The following HABP4 variants were observed in gnomAD, a reference collection of about 807,000 sequenced individuals.
HABP4 encodes hyaluronan binding protein 4.
A neutral mutation model predicts 44.1 loss-of-function variants in HABP4; 32 were observed. That is an observed-to-expected ratio of 0.73 (90% confidence interval 0.55 to 0.97). The LOEUF is 0.97. HABP4 is among the 50% of genes least tolerant of loss of function. The pLI is 0.00. For missense variants in HABP4, 503 were observed against 561.9 expected, an observed-to-expected ratio of 0.90 and a Z score of 1.06; for synonymous variants, 216 against 218.0, an observed-to-expected ratio of 0.99 and a Z score of 0.08.
chr9:96,455,402 A>G (rs1034349638), intron 1 of HABP4, among the ~76,000 whole-genome samples: 1 of 143,740 alleles, frequency 7.0e-6, no homozygotes, highest in Non-Finnish European at 1.5e-5. Context: ...CAGTGAGCTG[A>G]GATTGTGCCA....
intron 4 of HABP4, 80 bp from the exon 5 acceptor site, chr9:96,470,931 A>G (rs1231783583): frequency 1.1e-6 from 1 of 879,576 alleles, no homozygotes; most frequent in Non-Finnish European, 1.9e-6. Flanking sequence ...CAAAAAAACA[A>G]TGTTTTCTCC....
At chr9:96,468,539 G>A (rs112261560) in intron 4 of HABP4, among the ~76,000 whole-genome samples, 3,663 of 152,070 alleles carry the variant, frequency 0.024, 151 homozygotes, top group African/African-American at 0.085. Context: ...GATTATAGAC[G>A]TGAGCCACCG....
At chr9:96,482,237 C>T (rs962346165) in intron 5 of HABP4, among the ~76,000 whole-genome samples, 8 of 152,148 alleles carry the variant, frequency 5.3e-5, no homozygotes, top group Non-Finnish European at 7.3e-5. Context: ...TGTGCCTGGC[C>T]TTGTAGAACT....
In HABP4 at chr9:96,488,195, G is replaced by A. The variant is rs141094261; in HGVS notation, c.1106G>A (p.Arg369His). Residue 369 changes from arginine (R) to histidine (H), a missense_variant, in exon 7 of 8, where the codon CGT (arginine) becomes CAT (histidine). Arg to His is a conservative substitution (Grantham distance 29). Transcript: ENST00000375249. The surrounding 1 kb of genome is among the most constrained non-coding windows in gnomAD (Gnocchi z 4.6). The part of the protein sequence containing the change: ...INFGNLPRPG[R>H]GARGGTRGGR... ...TTTGGTAACCTCCCTCGTCCTGGGC[G>A]TGGAGCCAGAGGAGGCACCCGGGGA... is the stretch of plus-strand genomic sequence containing the variant. 8.5e-5 allele frequency: 137 copies of A among 1,613,396 alleles called. No individual in the cohort carries two copies. In the African/African-American group the frequency reaches 1.5e-3, roughly 17 times the overall value.
intron 1 of HABP4, among the ~76,000 whole-genome samples, chr9:96,455,855 G>A (rs1356596946): frequency 6.6e-6 from 1 of 151,826 alleles, no homozygotes; most frequent in Non-Finnish European, 1.5e-5. Context: ...AGGAGTTCGA[G>A]ACCAGCCTGG....
At chr9:96,471,145 A>AT in intron 5 of HABP4, 51 bp downstream of exon 5, 2 of 947,576 alleles carry the variant, frequency 2.1e-6, no homozygotes, top group Non-Finnish European at 3.3e-6. Context: ...CTTCTTAATG[A>AT]TTTCTTTTTT....
At chr9:96,469,817 G>A (rs1008700735) in intron 4 of HABP4, among the ~76,000 whole-genome samples, 9 of 152,104 alleles carry the variant, frequency 5.9e-5, no homozygotes, top group Non-Finnish European at 7.3e-5. Flanking sequence ...CACCGCGCCC[G>A]GATGATTTAC....
At chr9:96,474,104 A>T (rs955886318) in intron 5 of HABP4, among the ~76,000 whole-genome samples, 1 of 152,172 alleles carries the variant, frequency 6.6e-6, no homozygotes. Flanking sequence ...ATCTGCTCTT[A>T]TTATTGTTAC....
intron 2 of HABP4, among the ~76,000 whole-genome samples, chr9:96,460,976 C>T (rs1326093660): frequency 6.6e-6 from 1 of 151,992 alleles, no homozygotes; most frequent in Non-Finnish European, 1.5e-5. Context: ...AACTCACAAG[C>T]AAAAGGAAGG....
At chr9:96,456,383 A>G (rs1832376483) in intron 1 of HABP4, among the ~76,000 whole-genome samples, 1 of 152,218 alleles carries the variant, frequency 6.6e-6, no homozygotes, top group African/African-American at 2.4e-5. Context: ...AAAATATTAA[A>G]TGGGAAAATA....
chr9:96,482,159 C>T (rs951940902), intron 5 of HABP4, among the ~76,000 whole-genome samples: 138 of 152,040 alleles, frequency 9.1e-4, no homozygotes, highest in African/African-American at 3.0e-3. Context: ...AGGCTGGTCT[C>T]GAACTCCTGA....
Position 96,456,341 on chromosome 9 carries a change from T to A in HABP4, c.350-2038T>A, listed in dbSNP as rs1393678634. 2.0e-5 allele frequency among the ~76,000 whole-genome samples: 3 copies of A among 152,326 alleles called. No homozygotes were observed. In the East Asian group the frequency reaches 5.8e-4, roughly 29 times the overall value. On this transcript the variant is annotated intron_variant, in intron 1 of 7. Coordinates refer to ENST00000375249, the MANE Select transcript of HABP4 (RefSeq NM_014282.4). ...GCTTTAAAATGAGACCGGTTAAGAT[T>A]TACCTGTACCCAGATGATAAAGTTT...
intron 5 of HABP4, among the ~76,000 whole-genome samples, chr9:96,478,732 C>T (rs1368939537): frequency 6.6e-6 from 1 of 151,328 alleles, no homozygotes; most frequent in African/African-American, 2.4e-5. Flanking sequence ...GTGATCATAG[C>T]TTACTGTAAC....
At chr9:96,456,954 TAG>T (rs1273319701) in intron 1 of HABP4, among the ~76,000 whole-genome samples, 1 of 151,230 alleles carries the variant, frequency 6.6e-6, no homozygotes, top group Admixed American at 6.6e-5. Flanking sequence ...TAAAAAAAGA[TAG>T]ACTTTTTTTG....
intron 2 of HABP4, among the ~76,000 whole-genome samples, chr9:96,462,622 AAAAG>A (rs1052256043): frequency 3.0e-4 from 46 of 151,736 alleles, no homozygotes; most frequent in Non-Finnish European, 5.5e-4. Flanking sequence ...AAAAAAAAAA[AAAAG>A]AGAGAGAGTT....
At position 96,488,212 on chromosome 9, in the gene HABP4, A is replaced by C. The variant is rs1489550092; in HGVS notation, c.1123A>C (p.Thr375Pro). The C allele has an allele frequency of 6.2e-7, 1 of 1,613,612 alleles. No homozygotes were observed. Among genetic ancestry groups the C allele is most frequent in the East Asian group, 2.2e-5 (1 of 44,894 alleles). ...TCCTGGGCGTGGAGCCAGAGGAGGC[A>C]CCCGGGGAGGCCGGGGAAGGATCAG... The part of the protein sequence containing the change: ...PRPGRGARGG[T>P]RGGRGRIRRA... The change falls in exon 7 of 8, where the codon ACC becomes CCC. Residue 375 changes from threonine (T) to proline (P), a missense_variant. Around this residue, in one of 3 missense-constraint regions of HABP4, gnomAD observed 82 missense variants for 71.6 expected, o/e 1.15. Coordinates refer to ENST00000375249, the MANE Select transcript of HABP4 (RefSeq NM_014282.4). The surrounding 1 kb of genome is among the most constrained non-coding windows in gnomAD (Gnocchi z 4.6).
At chr9:96,468,384 C>T (rs538360138) in intron 4 of HABP4, among the ~76,000 whole-genome samples, 3 of 151,496 alleles carry the variant, frequency 2.0e-5, no homozygotes, top group Non-Finnish European at 2.9e-5. Context: ...CAGCTTCCCC[C>T]GCAGCTGGGA....
rs1330941743 is a variant in HABP4 at position 96,484,588 on chromosome 9, TC to T, written c.956del (p.Pro319LeufsTer6). 6.2e-7 allele frequency: 1 copy of T among 1,600,464 alleles called. No homozygotes were observed. Among genetic ancestry groups the T allele is most frequent in the South Asian group, 1.1e-5 (1 of 90,782 alleles). ...FNIRKPESTV[P>X]SKAVVIHKSK... ...ACATCCGGAAACCAGAATCCACTGT[TC>T]CTTCCAAAGCCGTGGTGATTCACAA... On this transcript the variant is annotated frameshift_variant, in exon 6 of 8. Transcript: ENST00000375249. LOFTEE classifies it high-confidence loss of function.
At position 96,450,412 on chromosome 9, in the gene HABP4, G is replaced by A; in HGVS notation, c.133G>A (p.Ala45Thr). 3 of 402,216 alleles carry A rather than the reference G, an allele frequency of 7.5e-6. No homozygotes were observed. Among genetic ancestry groups the A allele is most frequent in the East Asian group, 1.7e-4 (1 of 5,846 alleles). 24.9% of individuals were successfully genotyped at this position (402,216 alleles called of 1,614,324 possible). Residue 45 changes from alanine (A) to threonine (T), a missense_variant, in exon 1 of 8, where the codon GCC becomes ACC. By Grantham distance (58) the Ala-to-Thr change is moderately conservative (BLOSUM62 0). This residue lies in a region of HABP4 where 290 missense variants were observed against 300.5 expected (regional missense o/e 0.97). Coordinates refer to ENST00000375249, the MANE Select transcript of HABP4 (RefSeq NM_014282.4). This position sits in a 1 kb window ranked among gnomAD's most constrained non-coding sequence, Gnocchi z 4.8. ...GGACCCGTTCGACATCCTGCGCGAG[G>A]CCGAGCGCCGGCGCCAGCAGCAGCT... is the stretch of plus-strand genomic sequence containing the variant. Reference protein sequence around the residue: ...ESDPFDILREAERRRQQQLQR... With the variant: ...ESDPFDILRETERRRQQQLQR...
Sources: gnomAD v4.1 joint callset for allele counts (sites outside exome capture counted in the v4.1 genomes callset) on GRCh38, gnomAD v4.1.1 for gene constraint, gnomAD v4.1.1 regional missense constraint, Gnocchi (gnomAD v3.1) non-coding constraint, MANE v1.5 for transcripts, NCBI Gene and HGNC (gene_info 2026-07-23, HGNC 2026-07-21) for gene names.